The following ABHD11 variants were observed in gnomAD, a reference collection of about 807,000 sequenced individuals.
ABHD11 encodes the protein sn-1-specific diacylglycerol lipase ABHD11.
Under a neutral mutation model 29.0 loss-of-function variants are expected in ABHD11, and 26 were observed. The ratio of observed to expected loss-of-function variants is 0.90; its 90% CI spans 0.66 to 1.24. The LOEUF (loss-of-function observed/expected upper bound fraction) is 1.24, where lower values mean the gene tolerates loss of function less well. ABHD11 is among the 50% of genes most tolerant of loss of function. The pLI is 0.00. For missense variants in ABHD11, 381 were observed against 422.4 expected (o/e 0.90, Z 0.86); for synonymous variants, 169 against 166.4 (o/e 1.02, Z -0.12).
chr7:73,738,511 G>T (rs1389885812), intron 1 of ABHD11, 48 bp from the exon 2 acceptor site: 12 of 1,586,928 alleles, frequency 7.6e-6, no homozygotes, highest in Non-Finnish European at 1.0e-5. Flanking sequence ...CGGAGACGGG[G>T]AAAGGGGTAG....
At position 73,737,685 on chromosome 7, in the gene ABHD11, G is replaced by A; in HGVS notation, c.312C>T (p.Asp104=). The A allele has an allele frequency of 6.2e-7, 1 of 1,614,128 alleles. No individual in the cohort carries two copies. The change falls in exon 3 of 6, where the codon GAC becomes GAT. Residue 104 remains aspartate (D), a synonymous_variant. Coordinates refer to ENST00000222800, the MANE Select transcript of ABHD11 (RefSeq NM_148912.4). The part of the protein sequence containing the change: ...RNHGDSPHSP[D]MSYEIMSQDL... Reference sequence around the variant, plus strand: ...CCTGGCTCATGATCTCGTAGCTCATGTCTGGGCTGTGGGGGCTGTCACCGT... The same window carrying A: ...CCTGGCTCATGATCTCGTAGCTCATATCTGGGCTGTGGGGGCTGTCACCGT...
At chr7:73,738,059 G>A (rs1268372215) in intron 2 of ABHD11, 2 of 751,912 alleles carry the variant, frequency 2.7e-6, no homozygotes, top group Non-Finnish European at 4.8e-6. Context: ...GAGGTGGTGA[G>A]CTCCCGGTCA....
Position 73,737,305 on chromosome 7 carries a change from G to A in ABHD11, c.522C>T (p.Ala174=). ...GVSHFATYVA[A]MRAINIADEL... is the part of the protein sequence containing the mutation. The stretch of plus-strand genomic sequence containing the variant: ...CATCTGCGATGTTGATGGCCCTCAT[G>A]GCTGCCACATAGGTTGCAAAGTGGG... The change falls in exon 4 of 6, where the codon GCC becomes GCT. Residue 174 remains alanine (A), a synonymous_variant. Transcript: ENST00000222800. 1 of 1,614,116 alleles carries A rather than the reference G, an allele frequency of 6.2e-7. No homozygotes were observed. Among genetic ancestry groups the A allele is most frequent in the Non-Finnish European group, 8.5e-7 (1 of 1,180,032 alleles).
chr7:73,736,764 G>A (rs1799925020), intron 5 of ABHD11, 73 bp from the exon 6 acceptor site: 4 of 1,606,428 alleles, frequency 2.5e-6, no homozygotes, highest in East Asian at 4.5e-5. Context: ...ACACGTGGAA[G>A]CAGAACGGGG....
chr7:73,737,890 TGAAGAACCTGGGGCCACTCTGCCAGA>T (rs1395740499), intron 2 of ABHD11, 155 bp from the exon 3 acceptor site: 6 of 1,167,062 alleles, frequency 5.1e-6, no homozygotes, highest in Non-Finnish European at 7.3e-6. Flanking sequence ...GAGGCCCAGA[TGAAGAACCTGGGGCCACTCTGCCAGA>T]GAAGAGCAGG....
chr7:73,738,104 G>GGTGCA, intron 2 of ABHD11: 2 of 851,508 alleles, frequency 2.3e-6, no homozygotes, highest in Non-Finnish European at 3.9e-6. Context: ...TCATGGAAAG[G>GGTGCA]GTGCAGGCGC....
rs375205317 is a variant in ABHD11, at chr7:73,738,020, T to C, written c.262-285A>G. 1.5e-3 allele frequency: 1,129 copies of C among 742,518 alleles called. 13 individuals are homozygous for C. In the African/African-American group the frequency reaches 0.017, roughly 11 times the overall value. 46.0% of individuals were successfully genotyped at this position (742,518 alleles called of 1,614,324 possible). On this transcript the variant is annotated intron_variant, in intron 2 of 5. Transcript: ENST00000222800. Reference sequence around the variant, plus strand: ...AGGAGACTCCAGGAATTTCCAACAGTAGGAGCACAGAAGAATGGGCTGCCA... The same window carrying C: ...AGGAGACTCCAGGAATTTCCAACAGCAGGAGCACAGAAGAATGGGCTGCCA...
At position 73,736,707 on chromosome 7, in the gene ABHD11, A is replaced by G; in HGVS notation, c.789-16T>C. 6.2e-7 allele frequency: 1 copy of G among 1,613,312 alleles called. No homozygotes were observed. The highest frequency in any genetic ancestry group is 1.1e-5 in the South Asian group (1 of 91,024). On this transcript the variant is annotated splice_polypyrimidine_tract_variant and intron_variant, in intron 5 of 5. Coordinates refer to ENST00000222800, the MANE Select transcript of ABHD11 (RefSeq NM_148912.4). ...GTGGCTGGGACTGTGCATCGCAGCG[A>G]CGGCCATCAAAAACGGGTGAAAGTG...
chr7:73,738,274 GC>G, intron 2 of ABHD11, 53 bp downstream of exon 2: 1 of 1,357,192 alleles, frequency 7.4e-7, no homozygotes, highest in Non-Finnish European at 1.0e-6. Context: ...CTCCTCTCAG[GC>G]CCCGCCCACT....
Position 73,737,570 on chromosome 7 carries a change from G to A in ABHD11, c.427C>T (p.Leu143=), listed in dbSNP as rs781829263. The A allele has an allele frequency of 1.2e-6, 2 of 1,606,422 alleles. No homozygotes were observed. Among genetic ancestry groups the A allele is most frequent in the Non-Finnish European group, 1.7e-6 (2 of 1,176,306 alleles). The change falls in exon 3 of 6, where the codon CTA becomes TTA. Residue 143 remains leucine (L), a synonymous_variant. Coordinates refer to ENST00000222800, the MANE Select transcript of ABHD11 (RefSeq NM_148912.4). ...MGGKTAMLLA[L]QRPELVERLI... is the part of the protein sequence containing the mutation. ...AGACATGGGCGGCTCACCCTCTGTA[G>A]TGCCAGCAGCATGGCTGTCTTTCCT...
At position 73,736,711 on chromosome 7, in the gene ABHD11, C is replaced by T; in HGVS notation, c.789-20G>A. ...CTGGGACTGTGCATCGCAGCGACGGCCATCAAAAACGGGTGAAAGTGGGAT... is the reference window on the plus strand; with the variant it reads ...CTGGGACTGTGCATCGCAGCGACGGTCATCAAAAACGGGTGAAAGTGGGAT... On this transcript the variant is annotated intron_variant, in intron 5 of 5. Coordinates refer to ENST00000222800, the MANE Select transcript of ABHD11 (RefSeq NM_148912.4). 6.2e-7 allele frequency: 1 copy of T among 1,612,694 alleles called. No individual in the cohort carries two copies. Among genetic ancestry groups the T allele is most frequent in the Non-Finnish European group, 8.5e-7 (1 of 1,179,810 alleles).
intron 5 of ABHD11, 93 bp downstream of exon 5, chr7:73,736,836 C>A: frequency 6.4e-7 from 1 of 1,572,016 alleles, no homozygotes; most frequent in Non-Finnish European, 8.6e-7. Flanking sequence ...CTCAGCCACC[C>A]CCCTTCCACA....
chr7:73,737,296 G>A lies in ABHD11; in HGVS notation c.531C>T (p.Ala177=). 2 of 1,614,106 alleles carry A rather than the reference G, an allele frequency of 1.2e-6. No homozygotes were observed. Among genetic ancestry groups the A allele is most frequent in the Non-Finnish European group, 1.7e-6 (2 of 1,180,034 alleles). ...HFATYVAAMR[A]INIADELPRS... is the part of the protein sequence containing the mutation. The stretch of plus-strand genomic sequence containing the variant: ...GGGGCAGCTCATCTGCGATGTTGAT[G>A]GCCCTCATGGCTGCCACATAGGTTG... The change falls in exon 4 of 6, where the codon GCC becomes GCT. Residue 177 remains alanine, a synonymous_variant. Coordinates refer to ENST00000222800, the MANE Select transcript of ABHD11 (RefSeq NM_148912.4).
intron 2 of ABHD11, 136 bp downstream of exon 2, chr7:73,738,192 G>A (rs1329061474): frequency 7.5e-7 from 1 of 1,331,456 alleles, no homozygotes; most frequent in East Asian, 2.5e-5. Flanking sequence ...AAATGGGGTT[G>A]CCGTTCAGGG....
chr7:73,737,458 G>A, intron 3 of ABHD11, 67 bp from the exon 4 acceptor site: 1 of 1,569,114 alleles, frequency 6.4e-7, no homozygotes. Flanking sequence ...ATGGCTCCTG[G>A]AGCCTGAACT....
At chr7:73,738,502 G>A in intron 1 of ABHD11, 39 bp from the exon 2 acceptor site, 1 of 1,593,396 alleles carries the variant, frequency 6.3e-7, no homozygotes, top group Non-Finnish European at 8.6e-7. Context: ...CTGAGCCGGC[G>A]GAGACGGGGA....
chr7:73,738,033 G>T (rs781838666), intron 2 of ABHD11: 3 of 742,646 alleles, frequency 4.0e-6, no homozygotes, highest in Admixed American at 4.0e-5. Flanking sequence ...GAGCACAGAA[G>T]AATGGGCTGC....
Position 73,737,348 on chromosome 7 carries a change from A to C in ABHD11, c.479T>G (p.Val160Gly). 6.2e-7 allele frequency: 1 copy of C among 1,613,864 alleles called. No individual in the cohort carries two copies. The highest frequency in any genetic ancestry group is 8.5e-7 in the Non-Finnish European group (1 of 1,180,000). Residue 160 changes from valine (V) to glycine (G), a missense_variant, in exon 4 of 6, where the codon GTG (valine) becomes GGG (glycine). Val to Gly is a moderately radical substitution (Grantham distance 109). Coordinates refer to ENST00000222800, the MANE Select transcript of ABHD11 (RefSeq NM_148912.4). ...AAAGTGGGAGACACCTGTGCTTTCC[A>C]CTGGGCTGATATCTACAGCAATGAG... ...ERLIAVDISP[V>G]ESTGVSHFAT...
intron 1 of ABHD11, 77 bp downstream of exon 1, chr7:73,738,569 G>T: frequency 6.4e-7 from 1 of 1,564,694 alleles, no homozygotes; most frequent in Non-Finnish European, 8.7e-7. Flanking sequence ...AGGCCCAAAG[G>T]GAGGAGATGG....
Sources: gnomAD v4.1 joint callset for allele counts on GRCh38, gnomAD v4.1.1 for gene constraint, MANE v1.5 for transcripts, NCBI Gene and HGNC (gene_info 2026-07-23, HGNC 2026-07-21) for gene names.